The following PAPSS1 variants were observed in gnomAD, a reference collection of about 807,000 sequenced individuals.
PAPSS1 encodes the protein bifunctional 3'-phosphoadenosine 5'-phosphosulfate synthase 1.
Under a neutral mutation model 72.0 loss-of-function variants are expected in PAPSS1, and 50 were observed. That is an observed-to-expected ratio of 0.69 (90% CI 0.55 to 0.88). The LOEUF is 0.88. Ranked by LOEUF, PAPSS1 falls within the 40% of genes least tolerant of loss-of-function variation. The pLI, the probability that PAPSS1 is intolerant of heterozygous loss-of-function variation, is 0.00. For missense variants in PAPSS1, 657 were observed against 782.2 expected (o/e 0.84, Z 1.91); for synonymous variants, 261 against 263.6 (o/e 0.99, Z 0.09).
intron 11 of PAPSS1, among the ~76,000 whole-genome samples, chr4:107,626,126 C>A (rs575521450): frequency 6.8e-6 from 1 of 147,546 alleles, no homozygotes; most frequent in African/African-American, 2.5e-5. Context: ...TGCAGTGAGC[C>A]GAGATAGCAC....
intron 1 of PAPSS1, among the ~76,000 whole-genome samples, chr4:107,704,752 A>G (rs1578434958): frequency 6.6e-6 from 1 of 152,072 alleles, no homozygotes; most frequent in Non-Finnish European, 1.5e-5. Context: ...GGGGTTTGAG[A>G]CCAGCCAGGC....
chr4:107,701,217 C>G lies in PAPSS1; in HGVS notation c.129G>C (p.Val43=), dbSNP rs748243703. 2.0e-5 allele frequency: 33 copies of G among 1,613,714 alleles called. No homozygotes were observed. The highest frequency in any genetic ancestry group is 1.2e-4 in the South Asian group (11 of 91,070). The change falls in exon 2 of 12, where the codon GTG becomes GTC. Residue 43 remains valine, a synonymous_variant. Coordinates refer to ENST00000265174, the MANE Select transcript of PAPSS1 (RefSeq NM_005443.5). ...CACGAAAGCCACCTCTGGTCCCCAC[C>G]ACCTGACCTCTCTTGTTCCTGCTGA... ...HHVSRNKRGQ[V]VGTRGGFRGC...
intron 6 of PAPSS1, among the ~76,000 whole-genome samples, chr4:107,658,319 C>A (rs1302425233): frequency 6.9e-6 from 1 of 144,342 alleles, no homozygotes; most frequent in African/African-American, 2.6e-5. Context: ...GAAGCCACTG[C>A]ACTCCAGCCT....
In PAPSS1 at chr4:107,614,198, C is replaced by G; in HGVS notation, c.*51G>C. ...GAAATGCCAACAGAGACTATGTGGTCCCCTCTTGTTACTAGTAATGTGTCA... is the reference window on the plus strand; with the variant it reads ...GAAATGCCAACAGAGACTATGTGGTGCCCTCTTGTTACTAGTAATGTGTCA... On this transcript the variant is annotated 3_prime_UTR_variant, in exon 12 of 12. Transcript: ENST00000265174. 1 of 1,558,442 alleles carries G rather than the reference C, an allele frequency of 6.4e-7. No homozygotes were observed. The highest frequency in any genetic ancestry group is 2.3e-5 in the East Asian group (1 of 44,052).
At position 107,694,007 on chromosome 4, in the gene PAPSS1, C is replaced by T; in HGVS notation, c.176-1G>A. The T allele has an allele frequency of 6.2e-7, 1 of 1,603,274 alleles. No homozygotes were observed. The highest frequency in any genetic ancestry group is 8.5e-7 in the Non-Finnish European group (1 of 1,171,804). ...GTAGTCTTTCCCGCTCCAGACAAGC[C>T]TAAAATTAAACAGTCCAAACAGATT... On this transcript the variant is annotated splice_acceptor_variant, in intron 2 of 11. Transcript: ENST00000265174. LOFTEE classifies it high-confidence loss of function.
intron 5 of PAPSS1, among the ~76,000 whole-genome samples, chr4:107,674,282 G>A (rs1225245257): frequency 2.0e-5 from 3 of 152,132 alleles, no homozygotes; most frequent in African/African-American, 7.2e-5. Context: ...CTGTATTCAG[G>A]AAACCCATCT....
At position 107,644,907 on chromosome 4, in the gene PAPSS1, C is replaced by G. The variant is rs767178112; in HGVS notation, c.1401G>C (p.Trp467Cys). 48 of 1,614,054 alleles carry G rather than the reference C, an allele frequency of 3.0e-5. No homozygotes were observed. The highest frequency in any genetic ancestry group is 4.1e-5 in the Non-Finnish European group (48 of 1,179,940). The change falls in exon 10 of 12, where the codon TGG (tryptophan) becomes TGC (cysteine). Residue 467 changes from tryptophan (W) to cysteine (C), a missense_variant. By Grantham distance (215) the Trp-to-Cys change is radical. This residue lies in a region of PAPSS1 where 166 missense variants were observed against 228.3 expected (regional missense o/e 0.73). Transcript: ENST00000265174. ...WTKDDDVPLM[W>C]RMKQHAAVLE... is the part of the protein sequence containing the mutation. Reference sequence around the variant, plus strand: ...ACACTGCAGCATGCTGCTTCATACGCCACATCAAAGGAACATCGTCATCCT... The same window carrying G: ...ACACTGCAGCATGCTGCTTCATACGGCACATCAAAGGAACATCGTCATCCT...
chr4:107,699,000 T>C (rs188480148), intron 2 of PAPSS1, among the ~76,000 whole-genome samples: 7 of 152,032 alleles, frequency 4.6e-5, no homozygotes, highest in Admixed American at 3.3e-4. Flanking sequence ...GAGGAAGGCA[T>C]AGGGTGGGGG....
chr4:107,638,077 A>C lies in PAPSS1; in HGVS notation c.1507-6217T>G, dbSNP rs74589950. Among the ~76,000 whole-genome samples, 1,114 of 152,272 alleles carry C rather than the reference A, an allele frequency of 7.3e-3. 12 individuals are homozygous for C. The highest frequency in any genetic ancestry group is 0.024 in the African/African-American group (995 of 41,550). On this transcript the variant is annotated intron_variant, in intron 10 of 11. Transcript: ENST00000265174. ...TGAGGCTCATCCTCCCATCATACAG[A>C]TTCCTGATACTGTGGCTTTTGGTCT...
chr4:107,681,577 C>T (rs574030822), intron 5 of PAPSS1, among the ~76,000 whole-genome samples: 5 of 152,224 alleles, frequency 3.3e-5, no homozygotes, highest in African/African-American at 1.2e-4. Flanking sequence ...TCCACAGGTC[C>T]CTCTCTAGAA....
intron 10 of PAPSS1, among the ~76,000 whole-genome samples, chr4:107,639,791 A>T (rs918984349): frequency 6.6e-6 from 1 of 152,178 alleles, no homozygotes; most frequent in Non-Finnish European, 1.5e-5. Context: ...TTTATATCCT[A>T]ACAGACACCC....
chr4:107,703,019 T>C (rs559538557), intron 1 of PAPSS1, among the ~76,000 whole-genome samples: 1 of 152,320 alleles, frequency 6.6e-6, no homozygotes, highest in East Asian at 1.9e-4. Flanking sequence ...ACTTTTGTCT[T>C]TTTTATAACA....
intron 5 of PAPSS1, among the ~76,000 whole-genome samples, chr4:107,680,269 G>T (rs568602439): frequency 6.6e-6 from 1 of 151,746 alleles, no homozygotes; most frequent in East Asian, 1.9e-4. Context: ...CTAGACACAT[G>T]ATATTAAACC....
At chr4:107,671,889 T>G (rs1473115963) in intron 5 of PAPSS1, among the ~76,000 whole-genome samples, 2 of 152,200 alleles carry the variant, frequency 1.3e-5, no homozygotes, top group African/African-American at 4.8e-5. Flanking sequence ...AATCCATGGT[T>G]GTTTGTATCC....
intron 10 of PAPSS1, among the ~76,000 whole-genome samples, chr4:107,643,991 G>C (rs1726628089): frequency 6.6e-6 from 1 of 152,176 alleles, no homozygotes; most frequent in Non-Finnish European, 1.5e-5. Flanking sequence ...CTCAAACATA[G>C]TATAGAGAGG....
intron 11 of PAPSS1, among the ~76,000 whole-genome samples, chr4:107,616,078 A>AAC (rs1394835215): frequency 1.9e-5 from 2 of 105,764 alleles, no homozygotes; most frequent in Non-Finnish European, 4.3e-5. Flanking sequence ...ATTTTTAGAA[A>AAC]ATAGAGAGAG....
At chr4:107,627,856 T>C (rs1726137850) in intron 11 of PAPSS1, among the ~76,000 whole-genome samples, 2 of 152,150 alleles carry the variant, frequency 1.3e-5, no homozygotes. Flanking sequence ...TCGTACTAGG[T>C]GTACATATAT....
rs535562686 is a variant in PAPSS1, at chr4:107,671,044, A to T, written c.669+10971T>A. Among the ~76,000 whole-genome samples, 6 of 152,282 alleles carry T rather than the reference A, an allele frequency of 3.9e-5. No homozygotes were observed. In the South Asian group the frequency reaches 1.2e-3, roughly 32 times the overall value. On this transcript the variant is annotated intron_variant, in intron 5 of 11. Coordinates refer to ENST00000265174, the MANE Select transcript of PAPSS1 (RefSeq NM_005443.5). ...TGTGATCCTAAAATCATACAGTGTCAATTTACCTTCAGTTTTTAACCATCA... is the reference window on the plus strand; with the variant it reads ...TGTGATCCTAAAATCATACAGTGTCTATTTACCTTCAGTTTTTAACCATCA...
chr4:107,662,082 G>T (rs111734928), intron 5 of PAPSS1, among the ~76,000 whole-genome samples: 1,563 of 152,124 alleles, frequency 0.01, 28 homozygotes, highest in African/African-American at 0.034. Context: ...TAAACAAGAA[G>T]AATAAACATC....
Sources: gnomAD v4.1 joint callset for allele counts (sites outside exome capture counted in the v4.1 genomes callset) on GRCh38, gnomAD v4.1.1 for gene constraint, gnomAD v4.1.1 regional missense constraint, MANE v1.5 for transcripts, NCBI Gene and HGNC (gene_info 2026-07-23, HGNC 2026-07-21) for gene names.